The following CACNA1C variants were observed in gnomAD, a reference collection of about 807,000 sequenced individuals.
CACNA1C encodes the protein calcium voltage-gated channel subunit alpha1 C, also known as voltage-dependent L-type calcium channel subunit alpha-1C.
In CACNA1C, 30 loss-of-function variants were observed where a neutral mutation model predicts 229.0. The ratio of observed to expected loss-of-function variants is 0.13; its 90% confidence interval spans 0.10 to 0.18. CACNA1C has a LOEUF of 0.18. Among genes scored for constraint, CACNA1C ranks in the 10% least tolerant of loss-of-function variants. CACNA1C has a pLI of 1.00. For synonymous variants in CACNA1C, 1,114 were observed against 1,132.5 expected (o/e 0.98, Z 0.33); for missense variants, 1,658 against 2,845.0 (o/e 0.58, Z 9.49).
intron 13 of CACNA1C, among the ~76,000 whole-genome samples, chr12:2,576,440 A>G (rs371849362): frequency 2.6e-5 from 4 of 152,106 alleles, no homozygotes; most frequent in African/African-American, 7.2e-5. Context: ...ATGCTTTTCC[A>G]TGAGGCCTGT....
chr12:2,426,247 G>C (rs533675754), intron 3 of CACNA1C, among the ~76,000 whole-genome samples: 1 of 152,134 alleles, frequency 6.6e-6, no homozygotes, highest in Admixed American at 6.5e-5. Context: ...TGCCTTTGCC[G>C]TGAAGGACTG....
chr12:2,311,574 A>T (rs1376836334), intron 3 of CACNA1C, among the ~76,000 whole-genome samples: 4 of 152,340 alleles, frequency 2.6e-5, no homozygotes, highest in Admixed American at 2.0e-4. Context: ...CAAACAGGCG[A>T]CAGCGTGAGA....
At chr12:2,670,152 C>G (rs969666318) in intron 38 of CACNA1C, among the ~76,000 whole-genome samples, 4 of 152,150 alleles carry the variant, frequency 2.6e-5, no homozygotes, top group Non-Finnish European at 5.9e-5. Context: ...GCATCTTGAA[C>G]CAACTACAGA....
At chr12:2,085,869 T>A in intron 1 of CACNA1C, among the ~76,000 whole-genome samples, 1 of 152,212 alleles carries the variant, frequency 6.6e-6, no homozygotes, top group East Asian at 1.9e-4. Context: ...CTACCAACCC[T>A]ACACTTCAGA....
chr12:2,030,768 A>G (rs1294435706), intron 1 of CACNA1C, among the ~76,000 whole-genome samples: 2 of 152,230 alleles, frequency 1.3e-5, no homozygotes, highest in African/African-American at 4.8e-5. Context: ...AAAGTTAGGC[A>G]GGCATGAGGC....
At position 2,135,611 on chromosome 12, in the gene CACNA1C, G is replaced by T. The variant is rs1409913611; in HGVS notation, c.477+15181G>T. Among the ~76,000 whole-genome samples the T allele has an allele frequency of 2.2e-5, 3 of 138,358 alleles. No homozygotes were observed. The South Asian group carries it at 6.7e-4, about 31-fold the overall frequency. 90.8% of individuals were successfully genotyped at this position (138,358 alleles called of 152,430 possible). The stretch of plus-strand genomic sequence containing the variant: ...CCTGCTGGGGGGTGCCTCCCAGTTA[G>T]GCTGCTCAGGGGTCAGGGGTCAGGG... On this transcript the variant is annotated intron_variant, in intron 3 of 46. Coordinates refer to ENST00000399655, the MANE Select transcript of CACNA1C (RefSeq NM_000719.7).
chr12:2,494,907 C>G (rs1346607714), intron 7 of CACNA1C, among the ~76,000 whole-genome samples: 1 of 152,182 alleles, frequency 6.6e-6, no homozygotes, highest in Non-Finnish European at 1.5e-5. Context: ...TCCTTGCCTG[C>G]CAGGGGTGCT....
At position 2,329,163 on chromosome 12, in the gene CACNA1C, G is replaced by A. The variant is rs1217747585; in HGVS notation, c.478-119813G>A. Reference sequence around the variant, plus strand: ...GCCACCTACTGAGTCTACAAACACCGCAGATCGATGCTGCTGGTCTAATGA... The same window carrying A: ...GCCACCTACTGAGTCTACAAACACCACAGATCGATGCTGCTGGTCTAATGA... On this transcript the variant is annotated intron_variant, in intron 3 of 46. Coordinates refer to ENST00000399655, the MANE Select transcript of CACNA1C (RefSeq NM_000719.7). Among the ~76,000 whole-genome samples the A allele has an allele frequency of 5.3e-5, 8 of 152,156 alleles. No individual in the cohort carries two copies. The East Asian group carries it at 5.8e-4, about 11-fold the overall frequency.
At chr12:2,248,614 A>G (rs2074305078) in intron 3 of CACNA1C, among the ~76,000 whole-genome samples, 1 of 152,200 alleles carries the variant, frequency 6.6e-6, no homozygotes, top group Non-Finnish European at 1.5e-5. Context: ...CCTGGGGGTG[A>G]TCATCCCCAA....
Position 2,504,877 on chromosome 12 carries a change from C to G in CACNA1C, c.1149C>G (p.Ile383Met). 6.2e-7 allele frequency: 1 copy of G among 1,606,264 alleles called. No homozygotes were observed. Residue 383 changes from isoleucine to methionine, a missense_variant, in exon 8 of 47, where the codon ATC becomes ATG. Physicochemically the swap from Ile to Met is conservative, Grantham distance 10. This residue lies in a region of CACNA1C where 84 missense variants were observed against 202.6 expected (regional missense o/e 0.41). Transcript: ENST00000399655. The surrounding 1 kb of genome is among the most constrained non-coding windows in gnomAD (Gnocchi z 6.8). ...CCGTAGGAAGGGACTGGCCCTGGAT[C>G]TATTTTGTTACACTAATCATCATAG... is the stretch of plus-strand genomic sequence containing the variant. Reference protein sequence around the residue: ...NDAVGRDWPWIYFVTLIIIGS... With the variant: ...NDAVGRDWPWMYFVTLIIIGS...
intron 10 of CACNA1C, among the ~76,000 whole-genome samples, chr12:2,555,002 C>T (rs1387923517): frequency 6.6e-6 from 1 of 152,258 alleles, no homozygotes; most frequent in Non-Finnish European, 1.5e-5. Flanking sequence ...GCAACAAAAT[C>T]AGTCTTCAAG....
At position 2,611,924 on chromosome 12, in the gene CACNA1C, T is replaced by C. The variant is rs753364351; in HGVS notation, c.3739T>C (p.Phe1247Leu). Residue 1247 changes from phenylalanine to leucine, a missense_variant, in exon 29 of 47, where the codon TTC (phenylalanine) becomes CTC (leucine). Physicochemically the swap from Phe to Leu is conservative, Grantham distance 22. Coordinates refer to ENST00000399655, the MANE Select transcript of CACNA1C (RefSeq NM_000719.7). ...AMQHYGQSCL[F>L]KIAMNILNML... ...GCAGCACTACGGCCAGAGCTGCCTG[T>C]TCAAAATCGCCATGAACATCCTCAA... 6.2e-7 allele frequency: 1 copy of C among 1,613,214 alleles called. No individual in the cohort carries two copies. The highest frequency in any genetic ancestry group is 1.3e-5 in the African/African-American group (1 of 74,876).
At chr12:2,611,252 A>G (rs1487936268) in intron 28 of CACNA1C, among the ~76,000 whole-genome samples, 10 of 102,080 alleles carry the variant, frequency 9.8e-5, no homozygotes, top group Middle Eastern at 0.01. Context: ...GGAGATGGAG[A>G]AGGGAGGGAT....
At chr12:2,002,694 A>G (rs148455970) in intron 1 of CACNA1C, among the ~76,000 whole-genome samples, 4 of 152,330 alleles carry the variant, frequency 2.6e-5, no homozygotes, top group East Asian at 3.9e-4. Flanking sequence ...TGTCAAGTCA[A>G]CTTACAGAAC....
chr12:2,404,042 G>C (rs1359551227), intron 3 of CACNA1C, among the ~76,000 whole-genome samples: 1 of 152,222 alleles, frequency 6.6e-6, no homozygotes, highest in Non-Finnish European at 1.5e-5. Context: ...CCCTAGGCTG[G>C]TCACCTCTGG....
chr12:2,136,171 A>G (rs2093456338), intron 3 of CACNA1C, among the ~76,000 whole-genome samples: 1 of 151,152 alleles, frequency 6.6e-6, no homozygotes, highest in Non-Finnish European at 1.5e-5. Flanking sequence ...TGGCTCGCGC[A>G]CCCACTGGCC....
At chr12:2,261,062 C>T (rs2154402135) in intron 3 of CACNA1C, among the ~76,000 whole-genome samples, 1 of 152,110 alleles carries the variant, frequency 6.6e-6, no homozygotes, top group Non-Finnish European at 1.5e-5. Context: ...AACCCTGTCT[C>T]TACTAAAAAT....
intron 38 of CACNA1C, among the ~76,000 whole-genome samples, chr12:2,669,839 G>A (rs762980656): frequency 3.9e-5 from 6 of 152,196 alleles, no homozygotes; most frequent in Non-Finnish European, 8.8e-5. Flanking sequence ...TCCACCTGGA[G>A]GGGCCCTTCT....
chr12:2,582,116 T>A (rs1279551745), intron 14 of CACNA1C, among the ~76,000 whole-genome samples: 1 of 151,290 alleles, frequency 6.6e-6, no homozygotes, highest in African/African-American at 2.4e-5. Flanking sequence ...CTAGCCTAGG[T>A]GACGGAGCAA....
Sources: allele counts gnomAD v4.1 joint callset (sites outside exome capture counted in the v4.1 genomes callset), GRCh38; gene constraint gnomAD v4.1.1; regional missense constraint gnomAD v4.1.1; non-coding constraint Gnocchi (gnomAD v3.1); transcripts MANE v1.5; gene names NCBI Gene and HGNC (gene_info 2026-07-23, HGNC 2026-07-21).